ROBO1: variants seen among roughly 807,000 people sequenced by gnomAD.
The protein encoded by ROBO1 is roundabout guidance receptor 1, also known as roundabout homolog 1.
A neutral mutation model predicts 195.9 loss-of-function variants in ROBO1; 149 were observed. That is an observed-to-expected ratio of 0.76 (90% CI 0.67 to 0.87). The LOEUF (loss-of-function observed/expected upper bound fraction) is 0.87. ROBO1 is among the 40% of genes least tolerant of loss of function. The pLI is 0.00. For missense variants in ROBO1, 1,933 were observed against 2,068.3 expected (o/e 0.93, Z 1.27); for synonymous variants, 816 against 733.2 (o/e 1.11, Z -1.82).
At chr3:79,475,835 G>A (rs1438584115) in intron 2 of ROBO1, among the ~76,000 whole-genome samples, 1 of 152,088 alleles carries the variant, frequency 6.6e-6, no homozygotes, top group Non-Finnish European at 1.5e-5. Flanking sequence ...ATCATTAAGA[G>A]TTTGGCAATT....
rs908297640 is a variant in ROBO1 at position 78,838,829 on chromosome 3, GC to G, written c.500-91930del. Among the ~76,000 whole-genome samples, 18 of 152,086 alleles carry G rather than the reference GC, an allele frequency of 1.2e-4. No homozygotes were observed. The Middle Eastern group carries it at 0.01, about 86-fold the overall frequency. On this transcript the variant is annotated intron_variant, in intron 4 of 30. Transcript: ENST00000464233. ...ACATGTCTTTGCTCAAAAAGATATG[GC>G]CAAAAAGAGAAGGGGACTCTCAACC...
At chr3:79,478,272 C>T (rs534741103) in intron 2 of ROBO1, among the ~76,000 whole-genome samples, 1 of 152,162 alleles carries the variant, frequency 6.6e-6, no homozygotes, top group East Asian at 1.9e-4. Flanking sequence ...CCTTGATGTT[C>T]TTATGGGGCT....
Position 79,347,183 on chromosome 3 carries a change from T to G in ROBO1, c.89-221644A>C, listed in dbSNP as rs141375399. 3.4e-3 allele frequency among the ~76,000 whole-genome samples: 514 copies of G among 152,126 alleles called. 3 individuals are homozygous for G. The highest frequency in any genetic ancestry group is 4.9e-3 in the Non-Finnish European group (334 of 67,992). On this transcript the variant is annotated intron_variant, in intron 2 of 30. Coordinates refer to ENST00000464233, the MANE Select transcript of ROBO1 (RefSeq NM_002941.4). ...ACAAAGCAAATGGAGGGATGGAGAG[T>G]TGTAATTTTTCTTGTGTTTCATTTA...
At chr3:79,751,584 A>G (rs988475267) in intron 1 of ROBO1, among the ~76,000 whole-genome samples, 1 of 152,166 alleles carries the variant, frequency 6.6e-6, no homozygotes, top group African/African-American at 2.4e-5. Context: ...TTGTATATGG[A>G]CTACTACCCA....
intron 4 of ROBO1, among the ~76,000 whole-genome samples, chr3:78,776,775 T>C (rs985776671): frequency 6.6e-6 from 1 of 152,226 alleles, no homozygotes; most frequent in East Asian, 1.9e-4. Flanking sequence ...AGCTCTGTCA[T>C]TTACTTAGTA....
intron 4 of ROBO1, among the ~76,000 whole-genome samples, chr3:78,766,707 C>T (rs1306539765): frequency 6.6e-6 from 1 of 152,032 alleles, no homozygotes; most frequent in Non-Finnish European, 1.5e-5. Flanking sequence ...GTTCTCATAG[C>T]GAATACTTTC....
chr3:78,601,126 C>G (rs925049107), intron 29 of ROBO1, among the ~76,000 whole-genome samples: 1 of 152,176 alleles, frequency 6.6e-6, no homozygotes, highest in Non-Finnish European at 1.5e-5. Flanking sequence ...ATGACAAACA[C>G]ATAAATACCT....
rs1395569973 is a variant in ROBO1, at chr3:79,664,347, A to G, written c.-50-74386T>C. 2.0e-5 allele frequency among the ~76,000 whole-genome samples: 3 copies of G among 151,962 alleles called. 1 individual carries two copies. In the East Asian group the frequency reaches 5.8e-4, roughly 30 times the overall value. On this transcript the variant is annotated intron_variant, in intron 1 of 30. Coordinates refer to ENST00000464233, the MANE Select transcript of ROBO1 (RefSeq NM_002941.4). ...GTCTGATGTCTTAAAATGAGTAGAC[A>G]ATCAGTACTTTGTAAATTGTGTCAA...
intron 2 of ROBO1, among the ~76,000 whole-genome samples, chr3:79,286,868 T>G (rs2031918821): frequency 6.6e-6 from 1 of 152,202 alleles, no homozygotes; most frequent in South Asian, 2.1e-4. Context: ...GGTATATTAT[T>G]TTTCAAATCC....
chr3:78,718,851 A>AGAGGGAGGGAGGGAGGCAGGGAGG (rs1297529949), intron 5 of ROBO1, among the ~76,000 whole-genome samples: 1 of 93,094 alleles, frequency 1.1e-5, no homozygotes, highest in Admixed American at 1.3e-4. Context: ...AGGGAGGGAG[A>AGAGGGAGGGAGGGAGGCAGGGAGG]GAGGGAGGGA....
chr3:79,695,482 C>A (rs1947417608), intron 1 of ROBO1, among the ~76,000 whole-genome samples: 1 of 151,436 alleles, frequency 6.6e-6, no homozygotes, highest in South Asian at 2.1e-4. Flanking sequence ...TAATTTATTT[C>A]ATTGAGACTG....
intron 2 of ROBO1, among the ~76,000 whole-genome samples, chr3:79,174,841 G>A (rs2081238077): frequency 7.0e-6 from 1 of 142,680 alleles, no homozygotes; most frequent in Admixed American, 7.1e-5. Flanking sequence ...GGGGGAGGGA[G>A]CAAGACTCCG....
intron 1 of ROBO1, among the ~76,000 whole-genome samples, chr3:79,755,553 G>T (rs1704341422): frequency 6.6e-6 from 1 of 152,156 alleles, no homozygotes; most frequent in African/African-American, 2.4e-5. Flanking sequence ...TCTGAAAAGA[G>T]TGTTATCTGT....
intron 5 of ROBO1, among the ~76,000 whole-genome samples, chr3:78,723,733 AT>A (rs1347317462): frequency 1.3e-5 from 2 of 152,110 alleles, no homozygotes; most frequent in African/African-American, 2.4e-5. Context: ...ACATCAAGGA[AT>A]TATCTGACTC....
Position 78,952,848 on chromosome 3 carries a change from T to C in ROBO1, c.173-13921A>G, listed in dbSNP as rs543455530. 5.3e-5 allele frequency among the ~76,000 whole-genome samples: 8 copies of C among 152,202 alleles called. No individual in the cohort carries two copies. The South Asian group carries it at 1.7e-3, about 32-fold the overall frequency. On this transcript the variant is annotated intron_variant, in intron 3 of 30. Transcript: ENST00000464233. ...CTAATGTCTCTTGATTATAAACTTCTACCTAAGCAAACACTATTTAGAGGA... is the reference window on the plus strand; with the variant it reads ...CTAATGTCTCTTGATTATAAACTTCCACCTAAGCAAACACTATTTAGAGGA...
At chr3:79,308,146 C>T (rs904435578) in intron 2 of ROBO1, among the ~76,000 whole-genome samples, 2 of 152,080 alleles carry the variant, frequency 1.3e-5, no homozygotes, top group Non-Finnish European at 2.9e-5. Context: ...TATTGTAGTA[C>T]TTGTAAGGAG....
chr3:78,693,022 T>TA (rs1353213172), intron 8 of ROBO1: 2 of 222,736 alleles, frequency 9.0e-6, no homozygotes, highest in East Asian at 1.8e-4. Flanking sequence ...TGTTTAATCT[T>TA]ACGATATATA....
chr3:79,319,570 A>G (rs1207747421), intron 2 of ROBO1, among the ~76,000 whole-genome samples: 1 of 152,126 alleles, frequency 6.6e-6, no homozygotes, highest in Non-Finnish European at 1.5e-5. Flanking sequence ...GACTTAAAAT[A>G]AACATTATCT....
At chr3:78,885,938 TATAC>T (rs1276448332) in intron 4 of ROBO1, among the ~76,000 whole-genome samples, 6 of 144,938 alleles carry the variant, frequency 4.1e-5, no homozygotes, top group Admixed American at 1.4e-4. Context: ...TATATATATA[TATAC>T]ATACATATAT....
Sources: gnomAD v4.1 joint callset for allele counts (sites outside exome capture counted in the v4.1 genomes callset) on GRCh38, gnomAD v4.1.1 for gene constraint, MANE v1.5 for transcripts, NCBI Gene and HGNC (gene_info 2026-07-23, HGNC 2026-07-21) for gene names.